The following SLC25A16 variants were observed in gnomAD, a reference collection of about 807,000 sequenced individuals.
SLC25A16 encodes the protein mitochondrial coenzyme A transporter SLC25A16.
In SLC25A16, 39 loss-of-function variants were observed where a neutral mutation model predicts 41.5. The observed-to-expected ratio is 0.94, with a 90% CI of 0.73 to 1.23. The LOEUF is 1.23. Ranked by LOEUF, SLC25A16 falls within the 50% of genes most tolerant of loss-of-function variation. SLC25A16 has a pLI of 0.00. For missense variants in SLC25A16, 421 were observed against 426.9 expected (o/e 0.99, Z 0.12); for synonymous variants, 146 against 147.8 (o/e 0.99, Z 0.09).
intron 4 of SLC25A16, chr10:68,499,789 G>A: frequency 2.3e-6 from 1 of 430,070 alleles, no homozygotes; most frequent in Non-Finnish European, 4.5e-6. Context: ...AATGAGTGCA[G>A]TGGGAAAAGG....
At chr10:68,513,918 C>T (rs554385462) in intron 2 of SLC25A16, among the ~76,000 whole-genome samples, 9 of 151,978 alleles carry the variant, frequency 5.9e-5, no homozygotes, top group Non-Finnish European at 8.8e-5. Context: ...ATGTTTTGGC[C>T]GGGAGCAGTG....
chr10:68,520,141 TAG>T (rs1291873144), intron 1 of SLC25A16, among the ~76,000 whole-genome samples: 3 of 151,296 alleles, frequency 2.0e-5, no homozygotes, highest in Non-Finnish European at 2.9e-5. Flanking sequence ...TAGTCTTTAG[TAG>T]AGAGAGGGTT....
chr10:68,504,206 G>T (rs977313367), intron 3 of SLC25A16, among the ~76,000 whole-genome samples: 1 of 151,300 alleles, frequency 6.6e-6, no homozygotes, highest in African/African-American at 2.4e-5. Flanking sequence ...TAGTAGAGAC[G>T]GGGTTTCACC....
At position 68,527,263 on chromosome 10, in the gene SLC25A16, C is replaced by A. The variant is rs375013661; in HGVS notation, c.113G>T (p.Arg38Leu). The part of the protein sequence containing the change: ...PTTRRDFYWL[R>L]SFLAGGIAGC... The stretch of plus-strand genomic sequence containing the variant: ...GGACCCACCTCCGGCCAGAAAGGAG[C>A]GCAGCCAGTAGAAGTCTCTGCGGGT... Residue 38 changes from arginine to leucine, a missense_variant, in exon 1 of 9, where the codon CGC (arginine) becomes CTC (leucine). Transcript: ENST00000609923. 1.3e-6 allele frequency: 2 copies of A among 1,548,152 alleles called. No individual in the cohort carries two copies. Among genetic ancestry groups the A allele is most frequent in the African/African-American group, 1.4e-5 (1 of 72,306 alleles).
chr10:68,523,096 T>C (rs963206719), intron 1 of SLC25A16, among the ~76,000 whole-genome samples: 7 of 152,242 alleles, frequency 4.6e-5, no homozygotes, highest in African/African-American at 1.7e-4. Flanking sequence ...GATAGCTCTT[T>C]TTATTCCCCC....
At position 68,527,299 on chromosome 10, in the gene SLC25A16, C is replaced by A; in HGVS notation, c.77G>T (p.Gly26Val). 3 of 1,545,458 alleles carry A rather than the reference C, an allele frequency of 1.9e-6. No homozygotes were observed. Among genetic ancestry groups the A allele is most frequent in the Non-Finnish European group, 2.6e-6 (3 of 1,144,980 alleles). The change falls in exon 1 of 9, where the codon GGA becomes GTA. Residue 26 changes from glycine (G) to valine (V), a missense_variant. Gly to Val is a moderately radical substitution (Grantham distance 109, BLOSUM62 -3). Transcript: ENST00000609923. ...GAAGTCTCTGCGGGTTGTGGGCCCT[C>A]CGGCCCCTGCCGCCTGCGGCATTGC... ...PPAMPQAAGA[G>V]GPTTRRDFYW...
At chr10:68,487,717 C>T (rs1316370173) in intron 7 of SLC25A16, among the ~76,000 whole-genome samples, 1 of 152,190 alleles carries the variant, frequency 6.6e-6, no homozygotes, top group African/African-American at 2.4e-5. Context: ...GTGGTAAAAT[C>T]AACCCCAGTA....
chr10:68,502,559 G>A (rs149683470), intron 4 of SLC25A16, among the ~76,000 whole-genome samples: 4 of 151,126 alleles, frequency 2.6e-5, no homozygotes, highest in East Asian at 3.9e-4. Context: ...ACAAATGCCC[G>A]TCTCTACAGA....
chr10:68,488,584 G>T lies in SLC25A16; in HGVS notation c.656C>A (p.Ser219Tyr), dbSNP rs749213799. Residue 219 changes from serine (S) to tyrosine (Y), a missense_variant, in exon 7 of 9, where the codon TCC (serine) becomes TAC (tyrosine). By Grantham distance (144) the Ser-to-Tyr change is moderately radical (BLOSUM62 -2). Transcript: ENST00000609923. ...TCTGCCAAGAAGGGTAGGAGCATGG[G>T]AAAGCCCAACACTCTTCAAGGTACC... ...TFGTLKSVGL[S>Y]HAPTLLGRPS... The T allele has an allele frequency of 6.2e-7, 1 of 1,611,728 alleles. No individual in the cohort carries two copies. Among genetic ancestry groups the T allele is most frequent in the South Asian group, 1.1e-5 (1 of 90,348 alleles).
Position 68,483,406 on chromosome 10 carries a change from TAAG to T in SLC25A16, c.*23_*25del, listed in dbSNP as rs766865694. ...TTCATTTCTCCCTCTGAGAATGTAT[TAAG>T]AAAAACCAACCATAATTTTTTTTTA... is the stretch of plus-strand genomic sequence containing the variant. On this transcript the variant is annotated 3_prime_UTR_variant, in exon 9 of 9. Transcript: ENST00000609923. 6.8e-7 allele frequency: 1 copy of T among 1,472,000 alleles called. No individual in the cohort carries two copies. Among genetic ancestry groups the T allele is most frequent in the South Asian group, 1.3e-5 (1 of 78,870 alleles). The allele number at this position is 1,472,000 out of a possible 1,614,324, so 91.2% of individuals were successfully genotyped here.
intron 2 of SLC25A16, among the ~76,000 whole-genome samples, chr10:68,515,372 A>G (rs1334435847): frequency 1.3e-5 from 2 of 151,396 alleles, no homozygotes; most frequent in Non-Finnish European, 2.9e-5. Flanking sequence ...AAAGAAAAAA[A>G]AAAAAAAAGC....
intron 1 of SLC25A16, among the ~76,000 whole-genome samples, chr10:68,520,155 C>T (rs1431882646): frequency 1.3e-5 from 2 of 150,690 alleles, no homozygotes; most frequent in East Asian, 4.2e-4. Context: ...GAGAGGGTTT[C>T]ACCATGTTGG....
intron 4 of SLC25A16, among the ~76,000 whole-genome samples, chr10:68,502,221 A>C (rs753878926): frequency 2.0e-5 from 3 of 152,088 alleles, no homozygotes; most frequent in Non-Finnish European, 4.4e-5. Flanking sequence ...CTCAAAAAAA[A>C]AGAAAAAGTA....
At chr10:68,524,707 C>CAAAAAA (rs1182825187) in intron 1 of SLC25A16, among the ~76,000 whole-genome samples, 1 of 68,532 alleles carries the variant, frequency 1.5e-5, no homozygotes, top group Admixed American at 1.7e-4. Context: ...GACTCCATCT[C>CAAAAAA]AAAAAAAAAA....
At chr10:68,506,447 A>AT in intron 3 of SLC25A16, 138 bp downstream of exon 3, 4 of 632,948 alleles carry the variant, frequency 6.3e-6, no homozygotes, top group African/African-American at 1.9e-5. Context: ...TGTCTCAAAA[A>AT]TTAAAAAAAA....
chr10:68,508,256 T>C (rs1435305459), intron 2 of SLC25A16, among the ~76,000 whole-genome samples: 1 of 151,934 alleles, frequency 6.6e-6, no homozygotes, highest in East Asian at 1.9e-4. Context: ...ACAAAAATTA[T>C]GGCAATGCAA....
At chr10:68,508,183 G>C (rs779461032) in intron 2 of SLC25A16, among the ~76,000 whole-genome samples, 5 of 152,062 alleles carry the variant, frequency 3.3e-5, no homozygotes, top group Non-Finnish European at 7.4e-5. Context: ...CTACACTCCA[G>C]CCTGGGTGAT....
In SLC25A16 at chr10:68,491,605, T is replaced by C. The variant is rs555951033; in HGVS notation, c.610+1527A>G. 2.6e-5 allele frequency among the ~76,000 whole-genome samples: 4 copies of C among 152,092 alleles called. No homozygotes were observed. The South Asian group carries it at 8.3e-4, about 32-fold the overall frequency. On this transcript the variant is annotated intron_variant, in intron 6 of 8. Transcript: ENST00000609923. ...CCAGGAGGGTGTCCATTCTTTTGCA[T>C]GAAGCTCCTACACTAGGCCCTAACA...
chr10:68,527,412 C>T lies in SLC25A16; in HGVS notation c.-37G>A. 4 of 1,441,152 alleles carry T rather than the reference C, an allele frequency of 2.8e-6. No homozygotes were observed. The highest frequency in any genetic ancestry group is 3.0e-5 in the Admixed American group (1 of 33,776). The allele number at this position is 1,441,152 out of a possible 1,614,324, so 89.3% of individuals were successfully genotyped here. A position where few individuals can be genotyped will look rare whatever the true frequency, so the allele number is the denominator to read the frequency against. ...TCGCGTCAGGAGCCTAGGTTGCCAA[C>T]TTACAGAACACCGGACGGGACCATA... On this transcript the variant is annotated 5_prime_UTR_variant, in exon 1 of 9. Transcript: ENST00000609923.
Sources: allele counts gnomAD v4.1 joint callset (sites outside exome capture counted in the v4.1 genomes callset), GRCh38; gene constraint gnomAD v4.1.1; transcripts MANE v1.5; gene names NCBI Gene and HGNC (gene_info 2026-07-23, HGNC 2026-07-21).